Variants in FAAH2 observed in about 807,000 individuals in gnomAD.
The protein encoded by FAAH2 is fatty acid amide hydrolase 2.
Under a neutral mutation model 36.9 loss-of-function variants are expected in FAAH2, and 60 were observed. The ratio of observed to expected loss-of-function variants is 1.63; its 90% CI spans 1.32 to 2.02. FAAH2 has a LOEUF of 2.02. Ranked by LOEUF, FAAH2 falls within the 30% of genes most tolerant of loss-of-function variation. FAAH2 has a pLI of 0.00. For synonymous variants in FAAH2, 214 were observed against 143.8 expected (o/e 1.49, Z -3.49); for missense variants, 689 against 397.5 (o/e 1.73, Z -6.23).
intron 2 of FAAH2, among the ~76,000 whole-genome samples, chrX:57,294,853 G>A (rs1426882592): frequency 9.0e-6 from 1 of 111,358 alleles, no homozygotes; most frequent in African/African-American, 3.3e-5. Context: ...TTTGTATCAT[G>A]AAGGGCCCAG....
chrX:57,353,421 T>C (rs1158249449), intron 5 of FAAH2, among the ~76,000 whole-genome samples: 1 of 106,805 alleles, frequency 9.4e-6, no homozygotes, highest in Non-Finnish European at 1.9e-5. Flanking sequence ...TAGACTACTT[T>C]ATTTTGTCAT....
At chrX:57,448,804 T>A (rs1602703435) in intron 10 of FAAH2, 86 bp downstream of exon 10, 1 of 967,171 alleles carries the variant, frequency 1.0e-6, no homozygotes, top group Non-Finnish European at 1.4e-6. Flanking sequence ...CTTTTGCAGT[T>A]GGACAAGTTT....
chrX:57,386,558 C>T (rs1378129319), intron 7 of FAAH2, among the ~76,000 whole-genome samples: 1 of 111,392 alleles, frequency 9.0e-6, no homozygotes, highest in Non-Finnish European at 1.9e-5. Context: ...ATGTAATTTG[C>T]TCTCACAGTA....
intron 8 of FAAH2, among the ~76,000 whole-genome samples, chrX:57,445,065 A>G (rs991301296): frequency 8.0e-5 from 9 of 111,924 alleles, no homozygotes; most frequent in African/African-American, 2.6e-4. Flanking sequence ...ATGTCTTAAC[A>G]TTGAAGAGTT....
At chrX:57,358,335 A>T (rs2054209924) in intron 5 of FAAH2, among the ~76,000 whole-genome samples, 1 of 110,717 alleles carries the variant, frequency 9.0e-6, no homozygotes, top group East Asian at 2.8e-4. Context: ...TTTATATCAC[A>T]TGAATAGCAA....
At chrX:57,242,273 C>A in the FAAH2 span, among the ~76,000 whole-genome samples, 2 of 112,595 alleles carry the variant, frequency 1.8e-5, no homozygotes, top group African/African-American at 6.4e-5. Flanking sequence ...AGGCAGCAGT[C>A]TTTGCTGTTC....
At chrX:57,479,923 AG>A (rs1198890209) in intron 10 of FAAH2, among the ~76,000 whole-genome samples, 2 of 111,829 alleles carry the variant, frequency 1.8e-5, no homozygotes. Flanking sequence ...AAAATGATAA[AG>A]GAGATATCAC....
intron 10 of FAAH2, among the ~76,000 whole-genome samples, chrX:57,481,742 G>A (rs1459520957): frequency 3.6e-5 from 4 of 112,108 alleles, no homozygotes; most frequent in African/African-American, 1.3e-4. Context: ...GGTGGCATTC[G>A]GTCCCTTGGC....
chrX:57,354,350 T>C (rs1415727645), intron 5 of FAAH2, among the ~76,000 whole-genome samples: 1 of 110,813 alleles, frequency 9.0e-6, no homozygotes, highest in Non-Finnish European at 1.9e-5. Flanking sequence ...TATTACGTGT[T>C]CTCCCCAATA....
the FAAH2 span, among the ~76,000 whole-genome samples, chrX:57,156,740 A>C: frequency 1.8e-5 from 2 of 111,567 alleles, no homozygotes; most frequent in African/African-American, 6.5e-5. Flanking sequence ...CTTTCTGCTA[A>C]TCAGATGGAA....
the FAAH2 span, among the ~76,000 whole-genome samples, chrX:57,242,783 G>A: frequency 5.3e-5 from 6 of 112,153 alleles, no homozygotes; most frequent in South Asian, 1.5e-3. Context: ...AGATTCCCTC[G>A]GTGCCTACAC....
chrX:57,421,030 T>C (rs1204300127), intron 7 of FAAH2, among the ~76,000 whole-genome samples: 1 of 112,552 alleles, frequency 8.9e-6, no homozygotes, highest in African/African-American at 3.2e-5. Context: ...GTAATCAACC[T>C]GCATTATTTC....
At chrX:57,383,671 A>G (rs1019148232) in intron 7 of FAAH2, among the ~76,000 whole-genome samples, 1 of 112,017 alleles carries the variant, frequency 8.9e-6, no homozygotes, top group Admixed American at 9.5e-5. Flanking sequence ...ATGAAATAAA[A>G]GAGGATACAA....
the FAAH2 span, among the ~76,000 whole-genome samples, chrX:57,240,618 G>A: frequency 6.2e-5 from 7 of 112,259 alleles, no homozygotes; most frequent in Non-Finnish European, 1.1e-4. Context: ...AGTGGGGTCT[G>A]CACATGTGTG....
chrX:57,361,647 A>T (rs1447003595), intron 5 of FAAH2, among the ~76,000 whole-genome samples: 2 of 111,299 alleles, frequency 1.8e-5, no homozygotes. Context: ...GTCAAAGAAG[A>T]TATGTGATAT....
intron 3 of FAAH2, among the ~76,000 whole-genome samples, chrX:57,317,803 T>C (rs1224649872): frequency 1.8e-5 from 2 of 111,405 alleles, no homozygotes; most frequent in Non-Finnish European, 3.8e-5. Flanking sequence ...TAATGGAAAA[T>C]ATAACCAACA....
At chrX:57,262,205 G>C in the FAAH2 span, among the ~76,000 whole-genome samples, 32 of 111,564 alleles carry the variant, frequency 2.9e-4, no homozygotes, top group African/African-American at 1.0e-3. Flanking sequence ...CAGGACCTGA[G>C]TAATGACACA....
the FAAH2 span, among the ~76,000 whole-genome samples, chrX:57,128,958 T>C: frequency 1.8e-5 from 2 of 111,863 alleles, no homozygotes; most frequent in Non-Finnish European, 3.8e-5. Flanking sequence ...TCTGAACAGG[T>C]GATATTTGAG....
chrX:57,242,542 T>C, the FAAH2 span, among the ~76,000 whole-genome samples: 2 of 111,865 alleles, frequency 1.8e-5, no homozygotes, highest in East Asian at 5.7e-4. Context: ...GATTTCTGCA[T>C]TTCCAACTGA....
Sources: allele counts gnomAD v4.1 joint callset (sites outside exome capture counted in the v4.1 genomes callset), GRCh38; gene constraint gnomAD v4.1.1; transcripts MANE v1.5; gene names NCBI Gene and HGNC (gene_info 2026-07-23, HGNC 2026-07-21).